Variants in ZRANB3 observed in about 807,000 individuals in gnomAD.
ZRANB3 encodes DNA annealing helicase and endonuclease ZRANB3.
ZRANB3 carries 125 observed loss-of-function variants against 133.8 expected under a neutral mutation model. The observed-to-expected ratio is 0.93, with a 90% confidence interval of 0.81 to 1.08. The LOEUF is 1.08. Ranked by LOEUF, ZRANB3 falls within the 50% of genes least tolerant of loss-of-function variation. The pLI is 0.00. For missense variants in ZRANB3, 1,229 were observed against 1,275.5 expected, an observed-to-expected ratio of 0.96 and a Z score of 0.56; for synonymous variants, 387 against 432.7, an observed-to-expected ratio of 0.89 and a Z score of 1.31.
At chr2:135,251,680 G>A (rs1451737832) in intron 12 of ZRANB3, among the ~76,000 whole-genome samples, 1 of 152,148 alleles carries the variant, frequency 6.6e-6, no homozygotes, top group Non-Finnish European at 1.5e-5. Flanking sequence ...TGTAAGAAGT[G>A]CCTTTCTCCT....
rs137949343 is a variant in ZRANB3, at chr2:135,257,168, T to C, written c.1539+8366A>G. ...GCAGCCCATGCCACTGCTCTGCCTA[T>C]AGAGTAGCCATTCTTTAGTTTCTTT... On this transcript the variant is annotated intron_variant, in intron 12 of 20. Transcript: ENST00000264159. 5.5e-3 allele frequency among the ~76,000 whole-genome samples: 843 copies of C among 152,346 alleles called. 6 individuals carry two copies. Among genetic ancestry groups the C allele is most frequent in the Non-Finnish European group, 0.011 (739 of 68,030 alleles).
chr2:135,491,906 A>C (rs771597581), intron 2 of ZRANB3, among the ~76,000 whole-genome samples: 2 of 152,206 alleles, frequency 1.3e-5, no homozygotes, highest in Non-Finnish European at 2.9e-5. Context: ...CGTGCTCAGA[A>C]AGGACAGAGA....
At chr2:135,432,960 G>A (rs1047298958) in intron 2 of ZRANB3, among the ~76,000 whole-genome samples, 10 of 152,136 alleles carry the variant, frequency 6.6e-5, no homozygotes, top group African/African-American at 2.2e-4. Context: ...AAACAAGGAC[G>A]AGCTAGACTG....
At chr2:135,286,435 A>C (rs964779602) in intron 8 of ZRANB3, among the ~76,000 whole-genome samples, 6 of 151,718 alleles carry the variant, frequency 4.0e-5, no homozygotes, top group Non-Finnish European at 8.8e-5. Context: ...ACACCACTAC[A>C]CCCGGCTAAT....
Position 135,333,624 on chromosome 2 carries a change from G to A in ZRANB3, c.677+11926C>T, listed in dbSNP as rs183761671. ...TTCATGCTCTAAGTTTTACATTATA[G>A]GGACTAGGGGAGGCGGAAATGGGGT... On this transcript the variant is annotated intron_variant, in intron 6 of 20. Coordinates refer to ENST00000264159, the MANE Select transcript of ZRANB3 (RefSeq NM_032143.4). Among the ~76,000 whole-genome samples the A allele has an allele frequency of 1.1e-4, 17 of 152,228 alleles. No homozygotes were observed. In the East Asian group the frequency reaches 3.3e-3, roughly 29 times the overall value.
At chr2:135,218,829 G>A (rs1374689940) in intron 16 of ZRANB3, among the ~76,000 whole-genome samples, 1 of 152,106 alleles carries the variant, frequency 6.6e-6, no homozygotes, top group Non-Finnish European at 1.5e-5. Flanking sequence ...AATAATGTGA[G>A]GATGATTCTA....
At chr2:135,513,995 A>G (rs1272488328) in intron 1 of ZRANB3, among the ~76,000 whole-genome samples, 1 of 152,114 alleles carries the variant, frequency 6.6e-6, no homozygotes, top group East Asian at 1.9e-4. Context: ...ATTGGTTTAT[A>G]TATCTCTTTT....
At chr2:135,385,013 G>C (rs1242332305) in intron 3 of ZRANB3, among the ~76,000 whole-genome samples, 1 of 152,094 alleles carries the variant, frequency 6.6e-6, no homozygotes, top group African/African-American at 2.4e-5. Flanking sequence ...GCAGGAGAAA[G>C]AAATAAAGGG....
At chr2:135,492,553 C>T (rs1692438241) in intron 2 of ZRANB3, among the ~76,000 whole-genome samples, 1 of 152,120 alleles carries the variant, frequency 6.6e-6, no homozygotes, top group East Asian at 1.9e-4. Context: ...CTAAAAATCC[C>T]TCCTTTTGCA....
In ZRANB3 at chr2:135,216,407, A is replaced by G. The variant is rs146306600; in HGVS notation, c.2495+1058T>C. Among the ~76,000 whole-genome samples, 12 of 152,214 alleles carry G rather than the reference A, an allele frequency of 7.9e-5. No homozygotes were observed. In the East Asian group the frequency reaches 2.1e-3, roughly 27 times the overall value. On this transcript the variant is annotated intron_variant, in intron 17 of 20. Coordinates refer to ENST00000264159, the MANE Select transcript of ZRANB3 (RefSeq NM_032143.4). The stretch of plus-strand genomic sequence containing the variant: ...AAGAGCTAAAGGGCTTTCTCTGCCA[A>G]TGCTGCCATTTGGTTTATTGCTTTG...
chr2:135,257,922 G>A (rs1679742183), intron 12 of ZRANB3, among the ~76,000 whole-genome samples: 1 of 152,192 alleles, frequency 6.6e-6, no homozygotes, highest in South Asian at 2.1e-4. Flanking sequence ...ACCTCGGGCA[G>A]ATTATGTAAC....
At chr2:135,401,915 C>A (rs1480906189) in intron 2 of ZRANB3, among the ~76,000 whole-genome samples, 1 of 152,068 alleles carries the variant, frequency 6.6e-6, no homozygotes, top group Non-Finnish European at 1.5e-5. Context: ...TAGTTTTGGC[C>A]ATAAAACCTC....
At chr2:135,273,708 C>T (rs1680649897) in intron 9 of ZRANB3, among the ~76,000 whole-genome samples, 1 of 151,886 alleles carries the variant, frequency 6.6e-6, no homozygotes, top group South Asian at 2.1e-4. Flanking sequence ...CCGGCTAATT[C>T]TTATTTTTAG....
At chr2:135,336,793 T>G (rs1684390131) in intron 6 of ZRANB3, among the ~76,000 whole-genome samples, 1 of 152,170 alleles carries the variant, frequency 6.6e-6, no homozygotes. Flanking sequence ...AAATGCTTAT[T>G]GACCACGTGG....
chr2:135,528,381 C>G (rs1694248355), intron 1 of ZRANB3, among the ~76,000 whole-genome samples: 1 of 152,126 alleles, frequency 6.6e-6, no homozygotes, highest in African/African-American at 2.4e-5. Context: ...CTGCTAGACT[C>G]AAGTGATTCT....
chr2:135,471,692 G>A (rs566780249), intron 2 of ZRANB3, among the ~76,000 whole-genome samples: 3 of 152,236 alleles, frequency 2.0e-5, no homozygotes, highest in East Asian at 1.9e-4. Flanking sequence ...CAGGGTTCAC[G>A]AAATGCAGAA....
At chr2:135,204,967 A>C (rs1167878623) in intron 19 of ZRANB3, among the ~76,000 whole-genome samples, 3 of 151,878 alleles carry the variant, frequency 2.0e-5, no homozygotes, top group Non-Finnish European at 2.9e-5. Context: ...ATCATGCTGA[A>C]ACAGCAGTAA....
intron 1 of ZRANB3, among the ~76,000 whole-genome samples, chr2:135,528,710 T>C (rs1252352977): frequency 6.6e-6 from 1 of 152,134 alleles, no homozygotes; most frequent in African/African-American, 2.4e-5. Context: ...AATATCCTAA[T>C]TGCATTAAAA....
intron 12 of ZRANB3, among the ~76,000 whole-genome samples, chr2:135,233,860 C>T (rs1463004990): frequency 3.3e-5 from 5 of 152,166 alleles, no homozygotes; most frequent in African/African-American, 7.2e-5. Context: ...TAAAGACCAT[C>T]GAGGCTAGGA....
Sources: gnomAD v4.1 joint callset for allele counts (sites outside exome capture counted in the v4.1 genomes callset) on GRCh38, gnomAD v4.1.1 for gene constraint, MANE v1.5 for transcripts, NCBI Gene and HGNC (gene_info 2026-07-23, HGNC 2026-07-21) for gene names.